The following PRKN variants were observed in gnomAD, a reference collection of about 807,000 sequenced individuals.
PRKN encodes parkin RBR E3 ubiquitin protein ligase.
Under a neutral mutation model 59.5 loss-of-function variants are expected in PRKN, and 56 were observed. The observed-to-expected ratio is 0.94, with a 90% CI of 0.76 to 1.18. PRKN has a LOEUF of 1.18. Ranked by LOEUF, PRKN falls within the 50% of genes most tolerant of loss-of-function variation. The pLI, the probability that PRKN is intolerant of heterozygous loss-of-function variation, is 0.00. For synonymous variants in PRKN, 250 were observed against 222.1 expected (o/e 1.13, Z -1.12); for missense variants, 657 against 596.4 (o/e 1.10, Z -1.06).
At chr6:162,392,854 A>C (rs1221985418) in intron 2 of PRKN, among the ~76,000 whole-genome samples, 1 of 152,210 alleles carries the variant, frequency 6.6e-6, no homozygotes, top group Non-Finnish European at 1.5e-5. Context: ...ATTTGAGAAT[A>C]CACACTTGAA....
At chr6:161,809,535 T>A (rs1791475708) in intron 6 of PRKN, among the ~76,000 whole-genome samples, 1 of 152,246 alleles carries the variant, frequency 6.6e-6, no homozygotes, top group African/African-American at 2.4e-5. Context: ...AGTTGCTTAA[T>A]AGCTTATTGT....
intron 7 of PRKN, among the ~76,000 whole-genome samples, chr6:161,741,127 TC>T (rs1379012561): frequency 6.6e-6 from 1 of 152,166 alleles, no homozygotes; most frequent in African/African-American, 2.4e-5. Flanking sequence ...TCACGCTGAG[TC>T]CAACTTTTGA....
intron 7 of PRKN, among the ~76,000 whole-genome samples, chr6:161,621,124 G>A (rs1782882547): frequency 6.6e-6 from 1 of 152,132 alleles, no homozygotes; most frequent in African/African-American, 2.4e-5. Flanking sequence ...AAGGGGCCAG[G>A]GTTTTGCTGT....
intron 2 of PRKN, among the ~76,000 whole-genome samples, chr6:162,316,718 T>C (rs972909034): frequency 6.6e-6 from 1 of 152,008 alleles, no homozygotes; most frequent in Non-Finnish European, 1.5e-5. Flanking sequence ...AAGCGCCAAT[T>C]CTGGGGTATT....
chr6:161,522,284 G>A (rs927970603), intron 9 of PRKN, among the ~76,000 whole-genome samples: 2 of 152,210 alleles, frequency 1.3e-5, no homozygotes. Context: ...AGGCGAGGGA[G>A]GTAGAGGAGA....
chr6:162,262,599 G>A lies in PRKN; in HGVS notation c.338C>T (p.Pro113Leu), dbSNP rs1404458540. Reference protein sequence around the residue: ...TRVDLSSSVLPGDSVGLAVIL... With the variant: ...TRVDLSSSVLLGDSVGLAVIL... ...GACAGCCAGCCCCACAGAGTCTCCT[G>A]GGAGGACTGAGCTGCTGAGGTCCAC... Residue 113 changes from proline to leucine, a missense_variant, in exon 3 of 12, where the codon CCA (proline) becomes CTA (leucine). Transcript: ENST00000366898. The A allele has an allele frequency of 3.1e-6, 5 of 1,612,920 alleles. No individual in the cohort carries two copies. Among genetic ancestry groups the A allele is most frequent in the African/African-American group, 1.3e-5 (1 of 74,852 alleles).
At chr6:161,977,541 GGTTTTTTT>G (rs1781084692) in intron 5 of PRKN, among the ~76,000 whole-genome samples, 3 of 98,730 alleles carry the variant, frequency 3.0e-5, no homozygotes, top group East Asian at 2.8e-4. Context: ...CTGTTTTTTT[GGTTTTTTT>G]TTTTTTTTTT....
chr6:162,623,138 C>T (rs1303542853), intron 1 of PRKN, among the ~76,000 whole-genome samples: 1 of 152,148 alleles, frequency 6.6e-6, no homozygotes, highest in East Asian at 1.9e-4. Flanking sequence ...GGATCTTGTT[C>T]GTTAGCTTCT....
At chr6:162,446,869 TGGAA>T in intron 1 of PRKN, among the ~76,000 whole-genome samples, 1 of 152,040 alleles carries the variant, frequency 6.6e-6, no homozygotes, top group South Asian at 2.1e-4. Context: ...AAAACAGGAG[TGGAA>T]GGAAGTACCC....
intron 1 of PRKN, among the ~76,000 whole-genome samples, chr6:162,455,915 A>T (rs1046512275): frequency 6.6e-6 from 1 of 151,968 alleles, no homozygotes; most frequent in African/African-American, 2.4e-5. Flanking sequence ...TAAGTGAGTT[A>T]AAAAAAACTT....
At chr6:161,635,095 C>T (rs1469838813) in intron 7 of PRKN, among the ~76,000 whole-genome samples, 2 of 152,136 alleles carry the variant, frequency 1.3e-5, no homozygotes, top group African/African-American at 2.4e-5. Context: ...TTTGTCTGAC[C>T]TCCTTATTGG....
chr6:162,302,175 G>A (rs1471302497), intron 2 of PRKN, among the ~76,000 whole-genome samples: 1 of 152,006 alleles, frequency 6.6e-6, no homozygotes, highest in Non-Finnish European at 1.5e-5. Context: ...TCTACCACTT[G>A]AGTAAAGGCC....
intron 6 of PRKN, among the ~76,000 whole-genome samples, chr6:161,903,927 C>T (rs1002052553): frequency 1.3e-5 from 2 of 151,672 alleles, no homozygotes; most frequent in African/African-American, 4.9e-5. Context: ...GCAGGATCCA[C>T]AATTCAGATA....
chr6:161,664,321 C>T (rs375623962), intron 7 of PRKN, among the ~76,000 whole-genome samples: 9 of 152,108 alleles, frequency 5.9e-5, no homozygotes, highest in African/African-American at 1.2e-4. Context: ...CTTCCTGTTA[C>T]GGGAAAGGGG....
intron 2 of PRKN, among the ~76,000 whole-genome samples, chr6:162,277,166 A>C (rs902442506): frequency 6.6e-6 from 1 of 152,182 alleles, no homozygotes; most frequent in African/African-American, 2.4e-5. Flanking sequence ...AAGCTACAGC[A>C]AATGGATCCA....
At chr6:162,075,858 A>G (rs1168588392) in intron 4 of PRKN, among the ~76,000 whole-genome samples, 1 of 152,030 alleles carries the variant, frequency 6.6e-6, no homozygotes, top group Non-Finnish European at 1.5e-5. Context: ...TTTATAAGGT[A>G]CATTTATCCC....
intron 7 of PRKN, among the ~76,000 whole-genome samples, chr6:161,583,225 A>C (rs1465857265): frequency 2.0e-5 from 3 of 152,178 alleles, no homozygotes; most frequent in Non-Finnish European, 4.4e-5. Context: ...GTTCCTTTAG[A>C]TTCTCTTTAA....
Position 161,498,655 on chromosome 6 carries a change from G to A in PRKN, c.1083+50199C>T, listed in dbSNP as rs1213392061. 1.3e-5 allele frequency among the ~76,000 whole-genome samples: 2 copies of A among 152,114 alleles called. No individual in the cohort carries two copies. Among genetic ancestry groups the A allele is most frequent in the African/African-American group, 4.8e-5 (2 of 41,412 alleles). On this transcript the variant is annotated intron_variant, in intron 9 of 11. Coordinates refer to ENST00000366898, the MANE Select transcript of PRKN (RefSeq NM_004562.3). This position sits in a 1 kb window ranked among gnomAD's most constrained non-coding sequence, Gnocchi z 4.2. Reference sequence around the variant, plus strand: ...GCTTCCTGAAGGAAGGGCTCCACCTGCCGACCCTGATGGAGAACGAGGTCA... The same window carrying A: ...GCTTCCTGAAGGAAGGGCTCCACCTACCGACCCTGATGGAGAACGAGGTCA...
At chr6:161,517,230 G>T (rs1478382088) in intron 9 of PRKN, among the ~76,000 whole-genome samples, 1 of 152,112 alleles carries the variant, frequency 6.6e-6, no homozygotes, top group Non-Finnish European at 1.5e-5. Flanking sequence ...GCTGGGGCAG[G>T]GTTCCGTGTG....
Sources: gnomAD v4.1 joint callset for allele counts (sites outside exome capture counted in the v4.1 genomes callset) on GRCh38, gnomAD v4.1.1 for gene constraint, Gnocchi (gnomAD v3.1) non-coding constraint, MANE v1.5 for transcripts, NCBI Gene and HGNC (gene_info 2026-07-23, HGNC 2026-07-21) for gene names.